FGR: variants seen among roughly 807,000 people sequenced by gnomAD.
The protein encoded by FGR is FGR proto-oncogene, Src family tyrosine kinase, also known as tyrosine-protein kinase Fgr.
Under a neutral mutation model 63.2 loss-of-function variants are expected in FGR, and 26 were observed. The ratio of observed to expected loss-of-function variants is 0.41; its 90% CI spans 0.30 to 0.57. The LOEUF (loss-of-function observed/expected upper bound fraction) is 0.57. FGR is among the 20% of genes least tolerant of loss of function. The pLI is 0.27. For synonymous variants in FGR, 286 were observed against 277.7 expected (o/e 1.03, Z -0.30); for missense variants, 511 against 690.8 (o/e 0.74, Z 2.92).
At position 27,612,638 on chromosome 1, in the gene FGR, G is replaced by A; in HGVS notation, c.*276C>T. On this transcript the variant is annotated 3_prime_UTR_variant, in exon 13 of 13. Transcript: ENST00000374005. ...AGACAAGGTCTGAGCACTTTGGGTG[G>A]GGATGGAGTGAGAAAGGCTACAGGC... 1 of 432,142 alleles carries A rather than the reference G, an allele frequency of 2.3e-6. No individual in the cohort carries two copies. Among genetic ancestry groups the A allele is most frequent in the Non-Finnish European group, 4.2e-6 (1 of 237,446 alleles). The allele number at this position is 432,142 out of a possible 1,614,324, so 26.8% of individuals were successfully genotyped here. A position where few individuals can be genotyped will look rare whatever the true frequency, so the allele number is the denominator to read the frequency against.
intron 5 of FGR, among the ~76,000 whole-genome samples, chr1:27,620,253 G>C (rs1271414593): frequency 6.6e-6 from 1 of 152,092 alleles, no homozygotes; most frequent in African/African-American, 2.4e-5. Flanking sequence ...GGAGGTGGAG[G>C]TTGCAGTGAG....
chr1:27,627,252 C>T (rs1014605391), intron 1 of FGR, among the ~76,000 whole-genome samples: 9 of 150,930 alleles, frequency 6.0e-5, no homozygotes, highest in East Asian at 2.0e-4. Context: ...CCTCAAATGG[C>T]GCACCATGCT....
chr1:27,629,200 T>C (rs1557739977), intron 1 of FGR, among the ~76,000 whole-genome samples: 2 of 151,984 alleles, frequency 1.3e-5, no homozygotes, highest in Non-Finnish European at 2.9e-5. Flanking sequence ...GCTGGTAAAC[T>C]GACTCTCAAA....
intron 5 of FGR, 138 bp downstream of exon 5, chr1:27,621,421 T>G: frequency 1.6e-6 from 1 of 638,434 alleles, no homozygotes; most frequent in Non-Finnish European, 2.9e-6. Flanking sequence ...TCTTCTTTTG[T>G]TCTCACAATG....
intron 5 of FGR, among the ~76,000 whole-genome samples, chr1:27,618,043 T>C (rs2089846594): frequency 6.6e-6 from 1 of 152,164 alleles, no homozygotes; most frequent in African/African-American, 2.4e-5. Flanking sequence ...TGTGGCCATC[T>C]TGGGTTGAAT....
chr1:27,617,823 G>A lies in FGR; in HGVS notation c.429-527C>T, dbSNP rs988811068. Among the ~76,000 whole-genome samples the A allele has an allele frequency of 6.6e-6, 1 of 152,198 alleles. No individual in the cohort carries two copies. Among genetic ancestry groups the A allele is most frequent in the African/African-American group, 2.4e-5 (1 of 41,444 alleles). On this transcript the variant is annotated intron_variant, in intron 5 of 12. Coordinates refer to ENST00000374005, the MANE Select transcript of FGR (RefSeq NM_005248.3). The surrounding 1 kb of genome is among the most constrained non-coding windows in gnomAD (Gnocchi z 4.5). ...TCTCCTGCTTCTCTTCTCTCTGGCTGCTCCCGCCCCGGCTACTGCTCTTCC... is the reference window on the plus strand; with the variant it reads ...TCTCCTGCTTCTCTTCTCTCTGGCTACTCCCGCCCCGGCTACTGCTCTTCC...
intron 1 of FGR, among the ~76,000 whole-genome samples, chr1:27,632,151 T>TTG (rs1243283014): frequency 6.6e-6 from 1 of 151,592 alleles, no homozygotes; most frequent in Non-Finnish European, 1.5e-5. Context: ...TTTTTTTTTT[T>TTG]TTTGAAACAG....
At chr1:27,632,539 C>T (rs1349935703) in intron 1 of FGR, among the ~76,000 whole-genome samples, 1 of 152,204 alleles carries the variant, frequency 6.6e-6, no homozygotes, top group African/African-American at 2.4e-5. Flanking sequence ...CCACCACCAC[C>T]GTGGTGAGGC....
chr1:27,627,288 A>G (rs1198004707), intron 1 of FGR, among the ~76,000 whole-genome samples: 1 of 152,162 alleles, frequency 6.6e-6, no homozygotes, highest in Admixed American at 6.5e-5. Context: ...ACAGCCCTTC[A>G]GACCCCTTCT....
rs1171068500 is a variant in FGR at position 27,613,364 on chromosome 1, G to A, written c.1250-14C>T. 6.2e-7 allele frequency: 1 copy of A among 1,613,080 alleles called. No homozygotes were observed. The highest frequency in any genetic ancestry group is 8.5e-7 in the Non-Finnish European group (1 of 1,179,418). Reference sequence around the variant, plus strand: ...GGAACTTGGAACCTGGAGAAGATGGGGGAGCAGGGAAAGTTAGTGAGGGGG... The same window carrying A: ...GGAACTTGGAACCTGGAGAAGATGGAGGAGCAGGGAAAGTTAGTGAGGGGG... On this transcript the variant is annotated splice_polypyrimidine_tract_variant and intron_variant, in intron 11 of 12. Transcript: ENST00000374005.
At chr1:27,620,244 G>A (rs2089896103) in intron 5 of FGR, among the ~76,000 whole-genome samples, 1 of 152,138 alleles carries the variant, frequency 6.6e-6, no homozygotes, top group African/African-American at 2.4e-5. Flanking sequence ...TTGAACTCAG[G>A]AGGTGGAGGT....
Position 27,612,358 on chromosome 1 carries a change from T to C in FGR, c.*556A>G, listed in dbSNP as rs997363089. 2 of 154,504 alleles carry C rather than the reference T, an allele frequency of 1.3e-5. No homozygotes were observed. The highest frequency in any genetic ancestry group is 4.8e-5 in the African/African-American group (2 of 41,454). 9.6% of individuals were successfully genotyped at this position (154,504 alleles called of 1,614,324 possible). On this transcript the variant is annotated 3_prime_UTR_variant, in exon 13 of 13. Transcript: ENST00000374005. ...AATCAATAAACCAACACATACACAC[T>C]ATTCAGAGAGGTGGGAAGTGCTCTG...
chr1:27,621,735 G>T (rs1394834407), intron 4 of FGR, 78 bp from the exon 5 acceptor site: 5 of 1,020,384 alleles, frequency 4.9e-6, no homozygotes, highest in African/African-American at 4.7e-5. Context: ...AGCCACACAG[G>T]TCTGCAGAGA....
rs376909607 is a variant in FGR at position 27,621,605 on chromosome 1, T to C, written c.382A>G (p.Ile128Val). Residue 128 changes from isoleucine to valine, a missense_variant, in exon 5 of 13, where the codon ATT becomes GTT. Physicochemically the swap from Ile to Val is conservative, Grantham distance 29 (BLOSUM62 3). Transcript: ENST00000374005. ...RSLSSGKTGC[I>V]PSNYVAPVDS... is the part of the protein sequence containing the mutation. The stretch of plus-strand genomic sequence containing the variant: ...ACAGGGGCCACGTAGTTGCTGGGAA[T>C]GCAGCCAGTTTTTCCGGAGCTGAGA... 20 of 1,613,880 alleles carry C rather than the reference T, an allele frequency of 1.2e-5. No individual in the cohort carries two copies. The African/African-American group carries it at 2.1e-4, about 17-fold the overall frequency.
chr1:27,618,258 G>A (rs1039473443), intron 5 of FGR, among the ~76,000 whole-genome samples: 1 of 152,106 alleles, frequency 6.6e-6, no homozygotes, highest in African/African-American at 2.4e-5. Flanking sequence ...TTTTTTCAAA[G>A]CCCTCCCCGC....
intron 1 of FGR, among the ~76,000 whole-genome samples, chr1:27,632,745 C>T (rs569729900): frequency 3.4e-5 from 5 of 144,970 alleles, no homozygotes; most frequent in South Asian, 4.5e-4. Context: ...GCCATGGCGG[C>T]GGGGGGCGGG....
chr1:27,628,183 A>C (rs2090052162), intron 1 of FGR, among the ~76,000 whole-genome samples: 2 of 151,028 alleles, frequency 1.3e-5, no homozygotes, highest in Middle Eastern at 3.4e-3. Flanking sequence ...AAAAAAAAAA[A>C]AACAAAAAAA....
rs1557723565 is a variant in FGR, at chr1:27,612,642, T to C, written c.*272A>G. ...AAGGTCTGAGCACTTTGGGTGGGGA[T>C]GGAGTGAGAAAGGCTACAGGCATGT... On this transcript the variant is annotated 3_prime_UTR_variant, in exon 13 of 13. Coordinates refer to ENST00000374005, the MANE Select transcript of FGR (RefSeq NM_005248.3). The C allele has an allele frequency of 2.3e-6, 1 of 432,816 alleles. No homozygotes were observed. Among genetic ancestry groups the C allele is most frequent in the Non-Finnish European group, 4.2e-6 (1 of 238,108 alleles). 26.8% of individuals were successfully genotyped at this position (432,816 alleles called of 1,614,324 possible). A position where few individuals can be genotyped will look rare whatever the true frequency, so the allele number is the denominator to read the frequency against.
At chr1:27,623,020 A>T in intron 4 of FGR, 22 bp downstream of exon 4, 1 of 1,558,394 alleles carries the variant, frequency 6.4e-7, no homozygotes, top group Non-Finnish European at 8.9e-7. Flanking sequence ...CAATGTTCTG[A>T]CTAGGTGGCC....
Sources: gnomAD v4.1 joint callset for allele counts (sites outside exome capture counted in the v4.1 genomes callset) on GRCh38, gnomAD v4.1.1 for gene constraint, Gnocchi (gnomAD v3.1) non-coding constraint, MANE v1.5 for transcripts, NCBI Gene and HGNC (gene_info 2026-07-23, HGNC 2026-07-21) for gene names.